The following TLN2 variants were observed in gnomAD, a reference collection of about 807,000 sequenced individuals.
TLN2 encodes talin 2, also known as talin-2.
A neutral mutation model predicts 294.7 loss-of-function variants in TLN2; 118 were observed. The ratio of observed to expected loss-of-function variants is 0.40; its 90% CI spans 0.34 to 0.47. TLN2 has a LOEUF of 0.47. TLN2 is among the 20% of genes least tolerant of loss of function. The pLI is 0.84. For synonymous variants in TLN2, 1,431 were observed against 1,304.5 expected (o/e 1.10, Z -2.09); for missense variants, 3,083 against 3,282.2 (o/e 0.94, Z 1.48).
chr15:62,463,862 G>A (rs1259866300), intron 1 of TLN2, among the ~76,000 whole-genome samples: 1 of 152,160 alleles, frequency 6.6e-6, no homozygotes, highest in Non-Finnish European at 1.5e-5. Flanking sequence ...ACTCCAGCCT[G>A]GGCAACAGAG....
At position 62,436,876 on chromosome 15, in the gene TLN2, A is replaced by T. The variant is rs139087530; in HGVS notation, c.-238+46191A>T. On this transcript the variant is annotated intron_variant, in intron 1 of 58. Coordinates refer to ENST00000636159, the MANE Select transcript of TLN2 (RefSeq NM_015059.3). ...TAGCTGGGACTACAAGCATGCATGC[A>T]CCATCGTGCCTGGCTAATTTTTAAT... Among the ~76,000 whole-genome samples, 1,111 of 152,232 alleles carry T rather than the reference A, an allele frequency of 7.3e-3. 11 individuals are homozygous for T. The highest frequency in any genetic ancestry group is 0.02 in the Middle Eastern group (6 of 294).
chr15:62,545,830 C>A (rs945717809), intron 1 of TLN2, among the ~76,000 whole-genome samples: 1 of 152,112 alleles, frequency 6.6e-6, no homozygotes, highest in Non-Finnish European at 1.5e-5. Context: ...AATGGATATC[C>A]GGAATATCAA....
At chr15:62,839,492 T>C (rs2141270193) in intron 58 of TLN2, among the ~76,000 whole-genome samples, 1 of 152,338 alleles carries the variant, frequency 6.6e-6, no homozygotes, top group South Asian at 2.1e-4. Context: ...CATTTGGCCC[T>C]ACAGAGAATG....
intron 1 of TLN2, among the ~76,000 whole-genome samples, chr15:62,554,328 TG>T (rs1189925018): frequency 6.7e-6 from 1 of 148,898 alleles, no homozygotes; most frequent in Non-Finnish European, 1.5e-5. Context: ...AAGATTTCCT[TG>T]ATCTAGTATG....
chr15:62,425,509 G>A (rs1416799072), intron 1 of TLN2, among the ~76,000 whole-genome samples: 3 of 152,202 alleles, frequency 2.0e-5, no homozygotes, highest in Non-Finnish European at 4.4e-5. Flanking sequence ...TAGCATCACG[G>A]AGCTGCGTGG....
chr15:62,786,622 C>T (rs992420698), intron 45 of TLN2, among the ~76,000 whole-genome samples: 1 of 152,122 alleles, frequency 6.6e-6, no homozygotes, highest in Non-Finnish European at 1.5e-5. Flanking sequence ...TGTGCAGTAA[C>T]CACTTGAAAT....
intron 1 of TLN2, among the ~76,000 whole-genome samples, chr15:62,458,417 T>A (rs2036604982): frequency 6.6e-6 from 1 of 152,124 alleles, no homozygotes; most frequent in South Asian, 2.1e-4. Context: ...CTGGGCTTAA[T>A]GAGAGATGGC....
intron 11 of TLN2, 54 bp downstream of exon 11, chr15:62,675,375 T>C (rs1398843986): frequency 1.9e-6 from 3 of 1,577,956 alleles, no homozygotes; most frequent in Non-Finnish European, 2.6e-6. Context: ...TTTTTTCTTT[T>C]GTTCAAGCGT....
intron 24 of TLN2, 60 bp downstream of exon 24, chr15:62,717,749 C>A: frequency 8.2e-7 from 1 of 1,222,026 alleles, no homozygotes; most frequent in Non-Finnish European, 1.1e-6. Context: ...AACATTAGAA[C>A]ACCAAGTCCC....
At chr15:62,650,045 C>A in intron 4 of TLN2, 39 bp from the exon 5 acceptor site, 1 of 1,604,750 alleles carries the variant, frequency 6.2e-7, no homozygotes, top group Non-Finnish European at 8.5e-7. Context: ...GGCTTCATCA[C>A]CACTTTGCCT....
intron 55 of TLN2, chr15:62,835,525 G>C (rs1596200027): frequency 1.7e-6 from 1 of 597,342 alleles, no homozygotes; most frequent in Non-Finnish European, 3.0e-6. Context: ...GTCGCCTCTT[G>C]GTGGCGAAAC....
chr15:62,498,772 AC>A (rs2039150913), intron 1 of TLN2, among the ~76,000 whole-genome samples: 1 of 152,030 alleles, frequency 6.6e-6, no homozygotes, highest in African/African-American at 2.4e-5. Flanking sequence ...ATATATAAAT[AC>A]TAATCAGTCA....
At chr15:62,473,215 A>G (rs760038317) in intron 1 of TLN2, among the ~76,000 whole-genome samples, 25 of 152,164 alleles carry the variant, frequency 1.6e-4, no homozygotes, top group Non-Finnish European at 2.5e-4. Context: ...AGAACTTTCA[A>G]CTGTTCCTTG....
At chr15:62,604,397 G>T (rs927019659) in intron 2 of TLN2, among the ~76,000 whole-genome samples, 1 of 151,908 alleles carries the variant, frequency 6.6e-6, no homozygotes, top group Non-Finnish European at 1.5e-5. Context: ...TTAGCTGGGG[G>T]TAGTGGGTAG....
At position 62,763,605 on chromosome 15, in the gene TLN2, T is replaced by C. The variant is rs144384637; in HGVS notation, c.5004T>C (p.Asp1668=). The change falls in exon 40 of 59, where the codon GAT becomes GAC. Residue 1668 remains aspartate, a synonymous_variant. Coordinates refer to ENST00000636159, the MANE Select transcript of TLN2 (RefSeq NM_015059.3). ...AGAGGGAGTGTGATTACTCCATCGATGGCATCAACCGGTGCATCCGGGACA... is the reference window on the plus strand; with the variant it reads ...AGAGGGAGTGTGATTACTCCATCGACGGCATCAACCGGTGCATCCGGGACA... ...PGQRECDYSI[D]GINRCIRDIE... is the part of the protein sequence containing the mutation. 4 of 1,613,808 alleles carry C rather than the reference T, an allele frequency of 2.5e-6. No individual in the cohort carries two copies. The Admixed American group carries it at 5.0e-5, about 20-fold the overall frequency.
At chr15:62,511,853 C>A (rs564624505) in intron 1 of TLN2, among the ~76,000 whole-genome samples, 1 of 152,090 alleles carries the variant, frequency 6.6e-6, no homozygotes, top group Non-Finnish European at 1.5e-5. Context: ...AAACAAAAAT[C>A]GGTGTTTAAC....
chr15:62,464,946 G>T (rs1595868776), intron 1 of TLN2, among the ~76,000 whole-genome samples: 1 of 152,138 alleles, frequency 6.6e-6, no homozygotes, highest in Non-Finnish European at 1.5e-5. Flanking sequence ...TTTGCCCCGG[G>T]ATGTTAACCC....
chr15:62,675,758 C>T (rs76772161), intron 11 of TLN2, among the ~76,000 whole-genome samples: 6,255 of 152,178 alleles, frequency 0.041, 443 homozygotes, highest in African/African-American at 0.14. Flanking sequence ...GATTTTACGG[C>T]CTTCAGATCT....
chr15:62,737,561 G>A (rs2061092855), intron 29 of TLN2, among the ~76,000 whole-genome samples: 1 of 152,178 alleles, frequency 6.6e-6, no homozygotes, highest in Non-Finnish European at 1.5e-5. Context: ...CGTGGGGCTG[G>A]GAAGGAGATG....
Sources: gnomAD v4.1 joint callset for allele counts (sites outside exome capture counted in the v4.1 genomes callset) on GRCh38, gnomAD v4.1.1 for gene constraint, MANE v1.5 for transcripts, NCBI Gene and HGNC (gene_info 2026-07-23, HGNC 2026-07-21) for gene names.